PAPPA: variants seen among roughly 807,000 people sequenced by gnomAD.
The protein encoded by PAPPA is pappalysin 1.
PAPPA carries 60 observed loss-of-function variants against 164.0 expected under a neutral mutation model. The ratio of observed to expected loss-of-function variants is 0.37; its 90% CI spans 0.30 to 0.45. The LOEUF (loss-of-function observed/expected upper bound fraction) is 0.45. Among genes scored for constraint, PAPPA ranks in the 20% least tolerant of loss-of-function variants. The pLI is 1.00. For missense variants in PAPPA, 1,782 were observed against 2,087.3 expected, an observed-to-expected ratio of 0.85 and a Z score of 2.85; for synonymous variants, 875 against 814.1, an observed-to-expected ratio of 1.07 and a Z score of -1.27.
chr9:116,271,195 A>C lies in PAPPA; in HGVS notation c.2862-130A>C. On this transcript the variant is annotated intron_variant, in intron 8 of 21. Coordinates refer to ENST00000328252, the MANE Select transcript of PAPPA (RefSeq NM_002581.5). The surrounding 1 kb of genome is among the most constrained non-coding windows in gnomAD (Gnocchi z 4.2). ...TCTCATTTTGAAGATGAAGAAGCAGAGACTCAGACAGAGAAAGGGATTTGT... is the reference window on the plus strand; with the variant it reads ...TCTCATTTTGAAGATGAAGAAGCAGCGACTCAGACAGAGAAAGGGATTTGT... 1.5e-6 allele frequency: 1 copy of C among 648,228 alleles called. No homozygotes were observed. The highest frequency in any genetic ancestry group is 2.8e-6 in the Non-Finnish European group (1 of 359,580). The allele number at this position is 648,228 out of a possible 1,614,324, so 40.2% of individuals were successfully genotyped here.
intron 17 of PAPPA, among the ~76,000 whole-genome samples, chr9:116,359,344 G>A (rs1846393347): frequency 6.6e-6 from 1 of 152,196 alleles, no homozygotes; most frequent in African/African-American, 2.4e-5. Context: ...TAAAGCAGCA[G>A]GGGAGTTAGA....
chr9:116,360,803 T>G (rs1846416518), intron 17 of PAPPA, among the ~76,000 whole-genome samples: 2 of 152,166 alleles, frequency 1.3e-5, no homozygotes, highest in Admixed American at 1.3e-4. Context: ...TGGAAAACCC[T>G]GAGGATACAA....
At position 116,193,141 on chromosome 9, in the gene PAPPA, A is replaced by AT. The variant is rs965758014; in HGVS notation, c.1478+4932dup. Reference sequence around the variant, plus strand: ...CCTTTGTCTTCTCTTTTTTATTATTATTTTTTTGAATGTAACAAGGACAAT... The same window carrying AT: ...CCTTTGTCTTCTCTTTTTTATTATTATTTTTTTTGAATGTAACAAGGACAAT... On this transcript the variant is annotated intron_variant, in intron 2 of 21. Transcript: ENST00000328252. Among the ~76,000 whole-genome samples, 89 of 150,994 alleles carry AT rather than the reference A, an allele frequency of 5.9e-4. 1 individual carries two copies. Among genetic ancestry groups the AT allele is most frequent in the Admixed American group, 3.9e-3 (59 of 15,232 alleles).
chr9:116,164,382 T>C (rs1372990036), intron 1 of PAPPA, among the ~76,000 whole-genome samples: 2 of 152,226 alleles, frequency 1.3e-5, no homozygotes, highest in Non-Finnish European at 2.9e-5. Context: ...TTGGTATTAT[T>C]TGCCACAAAC....
chr9:116,373,790 C>T (rs113090786), intron 19 of PAPPA: 12 of 152,210 alleles, frequency 7.9e-5, no homozygotes, highest in African/African-American at 2.6e-4. Context: ...GACCTTAAAA[C>T]CAGATAAATG....
chr9:116,359,020 C>T (rs1039139068), intron 17 of PAPPA, among the ~76,000 whole-genome samples: 1 of 152,154 alleles, frequency 6.6e-6, no homozygotes, highest in African/African-American at 2.4e-5. Context: ...TAGTAGACTC[C>T]ATGCCCATTT....
rs1846222736 is a variant in PAPPA at position 116,347,208 on chromosome 9, A to C, written c.3963A>C (p.Lys1321Asn). Residue 1321 changes from lysine (K) to asparagine (N), a missense_variant and splice_region_variant, in exon 15 of 22, where the codon AAA becomes AAC. Lys to Asn is a moderately conservative substitution (Grantham distance 94). This residue lies in a region of PAPPA where 1,324 missense variants were observed against 1,656.9 expected (regional missense o/e 0.80). Transcript: ENST00000328252. This position sits in a 1 kb window ranked among gnomAD's most constrained non-coding sequence, Gnocchi z 4.5. ...SFQCRHPAQL[K>N]GNNSLLTCME... is the part of the protein sequence containing the mutation. ...AGTGCCGTCACCCTGCACAATTGAA[A>C]GGTATCAAGAACGCCTTCCCCAGCT... 6.2e-7 allele frequency: 1 copy of C among 1,604,486 alleles called. No homozygotes were observed. The highest frequency in any genetic ancestry group is 1.3e-5 in the African/African-American group (1 of 74,592).
At chr9:116,302,992 A>C in intron 10 of PAPPA, 42 bp downstream of exon 10, 1 of 1,563,440 alleles carries the variant, frequency 6.4e-7, no homozygotes, top group South Asian at 1.1e-5. Context: ...CAGACATTCA[A>C]AGTCTCCGCT....
At chr9:116,290,506 A>G (rs1023940238) in intron 9 of PAPPA, among the ~76,000 whole-genome samples, 3 of 152,132 alleles carry the variant, frequency 2.0e-5, no homozygotes, top group African/African-American at 7.2e-5. Context: ...CTTATTCTAT[A>G]CAAGGGGAAA....
intron 1 of PAPPA, among the ~76,000 whole-genome samples, chr9:116,181,235 G>A (rs1843901064): frequency 6.6e-6 from 1 of 152,150 alleles, no homozygotes; most frequent in African/African-American, 2.4e-5. Context: ...CAGCCTGGCT[G>A]GCTTAAATGA....
intron 6 of PAPPA, among the ~76,000 whole-genome samples, chr9:116,233,548 G>A (rs1462870458): frequency 6.6e-6 from 1 of 152,222 alleles, no homozygotes; most frequent in African/African-American, 2.4e-5. Flanking sequence ...AGGAAATCTT[G>A]TAATTAAATC....
At chr9:116,389,962 G>T (rs1229029294) in intron 21 of PAPPA, among the ~76,000 whole-genome samples, 1 of 152,072 alleles carries the variant, frequency 6.6e-6, no homozygotes, top group Non-Finnish European at 1.5e-5. Context: ...TTTGTTTATT[G>T]ATATATTCAA....
chr9:116,273,579 G>C (rs1845162043), intron 9 of PAPPA, among the ~76,000 whole-genome samples: 1 of 152,114 alleles, frequency 6.6e-6, no homozygotes, highest in African/African-American at 2.4e-5. Flanking sequence ...TTATAATGTG[G>C]TTCACCATTT....
chr9:116,268,907 G>A (rs1004176890), intron 8 of PAPPA, among the ~76,000 whole-genome samples: 7 of 151,970 alleles, frequency 4.6e-5, no homozygotes, highest in African/African-American at 9.7e-5. Context: ...TAGCTAATAC[G>A]ATTTTTCATG....
chr9:116,321,265 G>A (rs542991265), intron 10 of PAPPA, among the ~76,000 whole-genome samples: 3 of 152,046 alleles, frequency 2.0e-5, no homozygotes, highest in South Asian at 2.1e-4. Flanking sequence ...CTGACCTCGT[G>A]ATCCGCCCGC....
At position 116,352,823 on chromosome 9, in the gene PAPPA, G is replaced by A. The variant is rs572968029; in HGVS notation, c.4082G>A (p.Arg1361Gln). ...CCCAATGCAGACCTCCAGACCGCCCGGTGCCGAGAGAATAAGCACAAGGTG... is the reference window on the plus strand; with the variant it reads ...CCCAATGCAGACCTCCAGACCGCCCAGTGCCGAGAGAATAAGCACAAGGTG... ...PVPNADLQTA[R>Q]CRENKHKVGS... Residue 1361 changes from arginine to glutamine, a missense_variant, in exon 16 of 22, where the codon CGG becomes CAG. Physicochemically the swap from Arg to Gln is conservative, Grantham distance 43 (BLOSUM62 1). Transcript: ENST00000328252. 26 of 1,613,866 alleles carry A rather than the reference G, an allele frequency of 1.6e-5. No homozygotes were observed. The East Asian group carries it at 2.2e-4, about 14-fold the overall frequency.
Position 116,367,632 on chromosome 9 carries a change from G to C in PAPPA, c.4496-13G>C, listed in dbSNP as rs1846518704. 1 of 1,602,588 alleles carries C rather than the reference G, an allele frequency of 6.2e-7. No individual in the cohort carries two copies. Among genetic ancestry groups the C allele is most frequent in the African/African-American group, 1.3e-5 (1 of 74,782 alleles). ...TCGGGCCTGAGCTGCGCCTCATGCT[G>C]TACTTCCCTCAGGGTCGGAGTGTGC... On this transcript the variant is annotated splice_polypyrimidine_tract_variant and intron_variant, in intron 18 of 21. Coordinates refer to ENST00000328252, the MANE Select transcript of PAPPA (RefSeq NM_002581.5).
At chr9:116,167,441 T>C (rs557442818) in intron 1 of PAPPA, among the ~76,000 whole-genome samples, 2 of 152,234 alleles carry the variant, frequency 1.3e-5, no homozygotes. Context: ...AATCCACAGA[T>C]GCAGAGGCTA....
intron 1 of PAPPA, among the ~76,000 whole-genome samples, chr9:116,184,115 G>T (rs1843940991): frequency 6.6e-6 from 1 of 152,176 alleles, no homozygotes; most frequent in South Asian, 2.1e-4. Flanking sequence ...ATGAGGGATA[G>T]GGTTAGCTGG....
Sources: allele counts gnomAD v4.1 joint callset (sites outside exome capture counted in the v4.1 genomes callset), GRCh38; gene constraint gnomAD v4.1.1; regional missense constraint gnomAD v4.1.1; non-coding constraint Gnocchi (gnomAD v3.1); transcripts MANE v1.5; gene names NCBI Gene and HGNC (gene_info 2026-07-23, HGNC 2026-07-21).